Variants in LHPP observed in about 807,000 individuals in gnomAD.
LHPP encodes hLHPP.
Under a neutral mutation model 30.3 loss-of-function variants are expected in LHPP, and 24 were observed. The observed-to-expected ratio is 0.79, with a 90% CI of 0.57 to 1.11. The LOEUF is 1.11. Among genes scored for constraint, LHPP ranks in the 50% most tolerant of loss-of-function variants. The pLI is 0.00. For missense variants in LHPP, 356 were observed against 367.2 expected (o/e 0.97, Z 0.25); for synonymous variants, 150 against 157.1 (o/e 0.95, Z 0.34).
chr10:124,590,435 A>G lies in LHPP; in HGVS notation c.717-22829A>G, dbSNP rs74601860. ...ACCCAGAATTCTGAGTTGAGTTCCG[A>G]CGCAGGCGTGGGCGATGGTGAGCAA... On this transcript the variant is annotated intron_variant, in intron 6 of 6. Coordinates refer to ENST00000368842, the MANE Select transcript of LHPP (RefSeq NM_022126.4). The surrounding 1 kb of genome is among the most constrained non-coding windows in gnomAD (Gnocchi z 4.3). Among the ~76,000 whole-genome samples the G allele has an allele frequency of 0.14, 21,207 of 152,080 alleles. 1,589 individuals are homozygous for G. Among genetic ancestry groups the G allele is most frequent in the East Asian group, 0.23 (1,183 of 5,158 alleles).
rs749260130 is a variant in LHPP at position 124,517,937 on chromosome 10, T to C, written c.716+666T>C. 3.2e-4 allele frequency among the ~76,000 whole-genome samples: 48 copies of C among 152,152 alleles called. No individual in the cohort carries two copies. The highest frequency in any genetic ancestry group is 5.6e-4 in the Non-Finnish European group (38 of 68,032). On this transcript the variant is annotated intron_variant, in intron 6 of 6. Transcript: ENST00000368842. This position sits in a 1 kb window ranked among gnomAD's most constrained non-coding sequence, Gnocchi z 4.1. ...CTTGCCTTATGCTAGATGGTTTCGA[T>C]TGTGGCCATTCAGAGAAAGTACATC...
At chr10:124,497,134 T>C in intron 4 of LHPP, 110 bp downstream of exon 4, 2 of 905,556 alleles carry the variant, frequency 2.2e-6, no homozygotes, top group South Asian at 3.1e-5. Flanking sequence ...AATGGCCTTT[T>C]GGGCTTCCAC....
intron 1 of LHPP, among the ~76,000 whole-genome samples, chr10:124,472,451 A>G (rs994755915): frequency 1.3e-5 from 2 of 152,196 alleles, no homozygotes; most frequent in Non-Finnish European, 1.5e-5. Flanking sequence ...AGACTGTTAG[A>G]CAGCTATGAA....
intron 1 of LHPP, 119 bp downstream of exon 1, chr10:124,462,106 C>A (rs1320840836): frequency 3.1e-6 from 3 of 961,812 alleles, no homozygotes; most frequent in Non-Finnish European, 3.9e-6. Context: ...CCGCCTCGGT[C>A]TCCCCCTTCC....
At chr10:124,474,376 C>T (rs527563858) in intron 1 of LHPP, among the ~76,000 whole-genome samples, 35 of 152,016 alleles carry the variant, frequency 2.3e-4, no homozygotes, top group African/African-American at 7.0e-4. Context: ...CAGAGCTCAA[C>T]GGATCTGCCC....
In LHPP at chr10:124,596,916, C is replaced by G. The variant is rs553458540; in HGVS notation, c.717-16348C>G. ...TGCCAGAGGAGACTGACTTTTGAGTCGGTGGACCGGGTGACGGAGACCCAC... is the reference window on the plus strand; with the variant it reads ...TGCCAGAGGAGACTGACTTTTGAGTGGGTGGACCGGGTGACGGAGACCCAC... On this transcript the variant is annotated intron_variant, in intron 6 of 6. Transcript: ENST00000368842. The surrounding 1 kb of genome is among the most constrained non-coding windows in gnomAD (Gnocchi z 4.6). 6.6e-6 allele frequency among the ~76,000 whole-genome samples: 1 copy of G among 152,158 alleles called. No homozygotes were observed. The highest frequency in any genetic ancestry group is 1.5e-5 in the Non-Finnish European group (1 of 68,024).
chr10:124,550,234 T>A (rs972335201), intron 6 of LHPP, among the ~76,000 whole-genome samples: 1 of 152,256 alleles, frequency 6.6e-6, no homozygotes, highest in Non-Finnish European at 1.5e-5. Context: ...CCCTCTCTCC[T>A]GACCTGTGTC....
At chr10:124,502,837 C>T (rs1311367885) in intron 5 of LHPP, among the ~76,000 whole-genome samples, 2 of 150,670 alleles carry the variant, frequency 1.3e-5, no homozygotes, top group South Asian at 2.1e-4. Flanking sequence ...CCACCAAGCC[C>T]GGCTAATTTT....
chr10:124,529,673 G>C (rs1484738314), intron 6 of LHPP, among the ~76,000 whole-genome samples: 5 of 152,170 alleles, frequency 3.3e-5, no homozygotes, highest in Non-Finnish European at 5.9e-5. Context: ...CCATCCGTGA[G>C]GGGGAGGACG....
rs1376972648 is a variant in LHPP at position 124,498,089 on chromosome 10, C to T, written c.585C>T (p.Phe195=). The part of the protein sequence containing the change: ...EVVGKPSPEF[F]KSALQAIGVE... ...TGGGGAAGCCTTCTCCTGAGTTTTT[C>T]AAGTCTGCCCTGCAAGCGATAGGAG... is the stretch of plus-strand genomic sequence containing the variant. Residue 195 remains phenylalanine (F), a synonymous_variant, in exon 5 of 7, where the codon TTC becomes TTT. Transcript: ENST00000368842. 1 of 1,614,070 alleles carries T rather than the reference C, an allele frequency of 6.2e-7. No individual in the cohort carries two copies. Among genetic ancestry groups the T allele is most frequent in the Non-Finnish European group, 8.5e-7 (1 of 1,180,044 alleles).
rs547883869 is a variant in LHPP, at chr10:124,574,505, C to T, written c.717-38759C>T. On this transcript the variant is annotated intron_variant, in intron 6 of 6. Transcript: ENST00000368842. Reference sequence around the variant, plus strand: ...TGTTGTGTGCAGAAGCTGTGGGCACCGGGGGCTGCAGAGCTTCAGACCTGG... The same window carrying T: ...TGTTGTGTGCAGAAGCTGTGGGCACTGGGGGCTGCAGAGCTTCAGACCTGG... Among the ~76,000 whole-genome samples, 14 of 152,288 alleles carry T rather than the reference C, an allele frequency of 9.2e-5. No individual in the cohort carries two copies. The South Asian group carries it at 1.2e-3, about 14-fold the overall frequency.
intron 5 of LHPP, chr10:124,498,882 CTT>C (rs565604598): frequency 0.023 from 4,424 of 190,148 alleles, no homozygotes; most frequent in South Asian, 0.05. Flanking sequence ...GCCTGGCAAA[CTT>C]TTTTTTTTTT....
chr10:124,514,323 A>G (rs573778113), intron 5 of LHPP, among the ~76,000 whole-genome samples: 2 of 152,232 alleles, frequency 1.3e-5, no homozygotes, highest in African/African-American at 2.4e-5. Context: ...ATTTCCAGCT[A>G]TTGTCATTTT....
At chr10:124,566,442 T>C (rs1165796865) in intron 6 of LHPP, among the ~76,000 whole-genome samples, 1 of 152,220 alleles carries the variant, frequency 6.6e-6, no homozygotes, top group Non-Finnish European at 1.5e-5. Context: ...AGCCATGGCC[T>C]CAAGCAACTT....
chr10:124,543,770 A>G (rs1034247350), intron 6 of LHPP, among the ~76,000 whole-genome samples: 9 of 52,560 alleles, frequency 1.7e-4, no homozygotes, highest in African/African-American at 7.5e-4. Flanking sequence ...TTCTTTTAAA[A>G]ATTAATATAT....
At chr10:124,490,177 C>CGTCTGTGGGTATCTCTCCCT (rs1430622091) in intron 3 of LHPP, 19 of 178,124 alleles carry the variant, frequency 1.1e-4, no homozygotes, top group Non-Finnish European at 1.7e-4. Context: ...TGTCTCTCCT[C>CGTCTGTGGGTATCTCTCCCT]GTCTGTGGGT....
rs566647544 is a variant in LHPP at position 124,575,782 on chromosome 10, C to T, written c.717-37482C>T. The stretch of plus-strand genomic sequence containing the variant: ...TCCCCTGCACTCTCACCACCTCCAA[C>T]TTGCATCCCGGTCCCCCACACCCTG... On this transcript the variant is annotated intron_variant, in intron 6 of 6. Coordinates refer to ENST00000368842, the MANE Select transcript of LHPP (RefSeq NM_022126.4). Among the ~76,000 whole-genome samples the T allele has an allele frequency of 2.6e-3, 400 of 152,302 alleles. 2 individuals are homozygous for T. The highest frequency in any genetic ancestry group is 8.6e-3 in the African/African-American group (358 of 41,558).
chr10:124,609,701 A>G (rs1259991506), intron 6 of LHPP, among the ~76,000 whole-genome samples: 1 of 152,116 alleles, frequency 6.6e-6, no homozygotes, highest in Non-Finnish European at 1.5e-5. Context: ...ACCCTCTGTC[A>G]CTAGTCTGCC....
chr10:124,493,447 G>C (rs562906379), intron 3 of LHPP, among the ~76,000 whole-genome samples: 1 of 152,208 alleles, frequency 6.6e-6, no homozygotes. Context: ...TGGAGGCGCC[G>C]GGGCAGACTG....
Sources: allele counts gnomAD v4.1 joint callset (sites outside exome capture counted in the v4.1 genomes callset), GRCh38; gene constraint gnomAD v4.1.1; non-coding constraint Gnocchi (gnomAD v3.1); transcripts MANE v1.5; gene names NCBI Gene and HGNC (gene_info 2026-07-23, HGNC 2026-07-21).